The following PRKG1 variants were observed in gnomAD, a reference collection of about 807,000 sequenced individuals.
PRKG1 encodes the protein protein kinase cGMP-dependent 1.
Under a neutral mutation model 88.1 loss-of-function variants are expected in PRKG1, and 35 were observed. The observed-to-expected ratio is 0.40, with a 90% confidence interval of 0.30 to 0.53. The LOEUF (loss-of-function observed/expected upper bound fraction) is 0.53. Among genes scored for constraint, PRKG1 ranks in the 20% least tolerant of loss-of-function variants. The probability of loss-of-function intolerance (pLI) is 0.59; values close to 1 mark genes in which losing one functional copy is unlikely to be tolerated. For synonymous variants in PRKG1, 303 were observed against 292.5 expected (o/e 1.04, Z -0.37); for missense variants, 540 against 839.8 (o/e 0.64, Z 4.41).
rs545000373 is a variant in PRKG1, at chr10:51,178,888, T to TTC, written c.478+25560_478+25561dup. Among the ~76,000 whole-genome samples, 211 of 152,296 alleles carry TTC rather than the reference T, an allele frequency of 1.4e-3. 2 individuals carry two copies. The highest frequency in any genetic ancestry group is 7.1e-3 in the South Asian group (34 of 4,822). On this transcript the variant is annotated intron_variant, in intron 2 of 17. Coordinates refer to ENST00000373980, the MANE Select transcript of PRKG1 (RefSeq NM_006258.4). ...AACATATCTTCCAAATACACTGACC[T>TTC]TCTAATAACCAATATAACATTTGTA...
chr10:51,497,987 A>G (rs986223650), intron 3 of PRKG1, among the ~76,000 whole-genome samples: 1 of 152,154 alleles, frequency 6.6e-6, no homozygotes, highest in African/African-American at 2.4e-5. Context: ...ACCTGTCCTT[A>G]TCTCTCAAGT....
chr10:51,189,660 A>G (rs1837582431), intron 2 of PRKG1, among the ~76,000 whole-genome samples: 1 of 151,938 alleles, frequency 6.6e-6, no homozygotes, highest in Admixed American at 6.6e-5. Context: ...ACATGGCCCC[A>G]TTTGAGGACA....
At chr10:51,371,054 T>A (rs1468200363) in intron 2 of PRKG1, among the ~76,000 whole-genome samples, 1 of 152,178 alleles carries the variant, frequency 6.6e-6, no homozygotes, top group African/African-American at 2.4e-5. Flanking sequence ...TCATTTTTTT[T>A]TATTTCTGCA....
rs1240261503 is a variant in PRKG1, at chr10:51,840,640, A to G, written c.698+35950A>G. Among the ~76,000 whole-genome samples, 5 of 151,822 alleles carry G rather than the reference A, an allele frequency of 3.3e-5. No individual in the cohort carries two copies. In the East Asian group the frequency reaches 9.7e-4, roughly 29 times the overall value. ...CAGCTCACTGGAACCTCTGCCTCCTAGGTTCAAGCAATTCTTCTGCCTCAG... is the reference window on the plus strand; with the variant it reads ...CAGCTCACTGGAACCTCTGCCTCCTGGGTTCAAGCAATTCTTCTGCCTCAG... On this transcript the variant is annotated intron_variant, in intron 4 of 17. Transcript: ENST00000373980.
chr10:51,544,113 T>C (rs926213685), intron 3 of PRKG1, among the ~76,000 whole-genome samples: 7 of 152,086 alleles, frequency 4.6e-5, no homozygotes, highest in Admixed American at 1.3e-4. Flanking sequence ...TGCAGGTTTG[T>C]TACATATGTA....
At chr10:51,627,920 CCCTTCCTTT>C (rs1839383937) in intron 3 of PRKG1, among the ~76,000 whole-genome samples, 4 of 74,892 alleles carry the variant, frequency 5.3e-5, no homozygotes, top group Admixed American at 1.5e-4. Context: ...TCCCTTCCTT[CCCTTCCTTT>C]CTTCCTTCCT....
At chr10:52,185,805 T>A (rs1839185586) in intron 9 of PRKG1, among the ~76,000 whole-genome samples, 1 of 152,230 alleles carries the variant, frequency 6.6e-6, no homozygotes, top group African/African-American at 2.4e-5. Flanking sequence ...TGGTGGCTTA[T>A]GCTCTCTAAA....
intron 4 of PRKG1, among the ~76,000 whole-genome samples, chr10:51,817,347 A>AGCG (rs1564659070): frequency 4.6e-5 from 6 of 129,584 alleles, no homozygotes; most frequent in African/African-American, 7.9e-5. Flanking sequence ...TCCCTCCCCA[A>AGCG]CCCCCCCCCT....
intron 3 of PRKG1, among the ~76,000 whole-genome samples, chr10:51,646,492 TTTAAG>T (rs1455838705): frequency 3.2e-4 from 48 of 152,216 alleles, no homozygotes; most frequent in South Asian, 1.2e-3. Flanking sequence ...TATAATTGTT[TTTAAG>T]GCAGGATCTA....
intron 7 of PRKG1, among the ~76,000 whole-genome samples, chr10:52,114,735 TA>T (rs1259047288): frequency 6.6e-6 from 1 of 152,096 alleles, no homozygotes; most frequent in Non-Finnish European, 1.5e-5. Flanking sequence ...GCTATAAACT[TA>T]AAGTAACAAT....
chr10:51,222,131 CG>C (rs58570034), intron 2 of PRKG1, among the ~76,000 whole-genome samples: 22,517 of 124,472 alleles, frequency 0.18, 3,603 homozygotes, highest in African/African-American at 0.51. Context: ...CGCCCCCCCC[CG>C]ACCCCAGCCT....
At chr10:51,147,124 G>A (rs185119914) in intron 1 of PRKG1, among the ~76,000 whole-genome samples, 2 of 152,218 alleles carry the variant, frequency 1.3e-5, no homozygotes, top group East Asian at 1.9e-4. Flanking sequence ...AGTTATTAGA[G>A]GCTGCAAAGA....
chr10:51,747,280 C>G (rs1017804892), intron 3 of PRKG1, among the ~76,000 whole-genome samples: 4 of 152,158 alleles, frequency 2.6e-5, no homozygotes, highest in African/African-American at 9.7e-5. Flanking sequence ...AGGTGCACTT[C>G]TTTTGCTAAG....
chr10:52,013,608 C>T (rs191631147), intron 5 of PRKG1, among the ~76,000 whole-genome samples: 35 of 152,082 alleles, frequency 2.3e-4, no homozygotes, highest in East Asian at 7.7e-4. Flanking sequence ...AGCTTATGTT[C>T]GAGAAAACTG....
At chr10:51,063,194 A>G (rs1198004860) in intron 1 of PRKG1, among the ~76,000 whole-genome samples, 2 of 152,226 alleles carry the variant, frequency 1.3e-5, no homozygotes, top group African/African-American at 4.8e-5. Flanking sequence ...AAGGATATTA[A>G]TAGTGCCGTT....
intron 5 of PRKG1, among the ~76,000 whole-genome samples, chr10:51,921,462 G>T (rs1358382531): frequency 2.0e-5 from 3 of 152,076 alleles, no homozygotes; most frequent in Admixed American, 1.3e-4. Flanking sequence ...AATAGGAGTG[G>T]TGTGAGGGGA....
chr10:51,224,224 G>A (rs1377040199), intron 2 of PRKG1, among the ~76,000 whole-genome samples: 1 of 152,150 alleles, frequency 6.6e-6, no homozygotes, highest in South Asian at 2.1e-4. Flanking sequence ...GGAAGTTCTG[G>A]GTTTCAGTTC....
At chr10:51,033,631 A>T (rs975175236) in intron 1 of PRKG1, among the ~76,000 whole-genome samples, 3 of 152,162 alleles carry the variant, frequency 2.0e-5, no homozygotes, top group African/African-American at 7.2e-5. Context: ...GGCCCTCTAG[A>T]CACATTTCGG....
At chr10:51,759,778 G>T (rs1198532432) in intron 3 of PRKG1, among the ~76,000 whole-genome samples, 3 of 152,066 alleles carry the variant, frequency 2.0e-5, no homozygotes, top group Non-Finnish European at 4.4e-5. Context: ...GTGTGTATGT[G>T]TGTGTGTGTG....
Sources: allele counts gnomAD v4.1 joint callset (sites outside exome capture counted in the v4.1 genomes callset), GRCh38; gene constraint gnomAD v4.1.1; transcripts MANE v1.5; gene names NCBI Gene and HGNC (gene_info 2026-07-23, HGNC 2026-07-21).